The following LARS2 variants were observed in gnomAD, a reference collection of about 807,000 sequenced individuals.
The protein encoded by LARS2 is leucine--tRNA ligase, mitochondrial.
LARS2 carries 81 observed loss-of-function variants against 116.6 expected under a neutral mutation model. The observed-to-expected ratio is 0.69, with a 90% CI of 0.58 to 0.84. The LOEUF is 0.84. LARS2 is among the 40% of genes least tolerant of loss of function. The pLI is 0.00. For missense variants in LARS2, 968 were observed against 1,114.5 expected (o/e 0.87, Z 1.87); for synonymous variants, 396 against 407.2 (o/e 0.97, Z 0.33).
At chr3:45,519,509 A>G (rs1700420137) in intron 18 of LARS2, among the ~76,000 whole-genome samples, 1 of 142,104 alleles carries the variant, frequency 7.0e-6, no homozygotes, top group South Asian at 2.3e-4. Context: ...AAAAAAAAGT[A>G]AAATTAACCT....
At chr3:45,399,180 A>G (rs1029924427) in intron 3 of LARS2, among the ~76,000 whole-genome samples, 3 of 152,140 alleles carry the variant, frequency 2.0e-5, no homozygotes, top group African/African-American at 4.8e-5. Flanking sequence ...GGATCTTCTC[A>G]TTACCTTCCC....
Position 45,417,490 on chromosome 3 carries a change from C to G in LARS2, c.372C>G (p.Asn124Lys). The change falls in exon 5 of 22, where the codon AAC (asparagine) becomes AAG (lysine). Residue 124 changes from asparagine (N) to lysine (K), a missense_variant. Asn to Lys is a moderately conservative substitution (Grantham distance 94). Transcript: ENST00000645846. The part of the protein sequence containing the change: ...FQKMRGMQVI[N>K]PMGWDAFGLP... ...CCTCTTCTGGGTCCTAGGTCATCAA[C>G]CCCATGGGATGGGATGCTTTTGGAT... is the stretch of plus-strand genomic sequence containing the variant. 6.2e-7 allele frequency: 1 copy of G among 1,613,332 alleles called. No individual in the cohort carries two copies. Among genetic ancestry groups the G allele is most frequent in the Non-Finnish European group, 8.5e-7 (1 of 1,179,272 alleles).
chr3:45,473,974 T>G lies in LARS2; in HGVS notation c.751-269T>G, dbSNP rs567017750. ...CTTGCCAAAGATGTGAATTATGACC[T>G]TTGTTTGTTAATTTTCTTCTTTCCG... On this transcript the variant is annotated intron_variant, in intron 8 of 21. Coordinates refer to ENST00000645846, the MANE Select transcript of LARS2 (RefSeq NM_015340.4). Among the ~76,000 whole-genome samples the G allele has an allele frequency of 2.6e-5, 4 of 152,204 alleles. 1 individual carries two copies. The South Asian group carries it at 8.3e-4, about 32-fold the overall frequency.
rs1235647073 is a variant in LARS2 at position 45,484,617 on chromosome 3, A to AT, written c.1019-1075_1019-1074insT. ...CCCTGTCTCTACAAAAAAAAAAAAAAAAAAAAAAAAAAAATATATATATAT... is the reference window on the plus strand; with the variant it reads ...CCCTGTCTCTACAAAAAAAAAAAAAATAAAAAAAAAAAAAATATATATATAT... On this transcript the variant is annotated intron_variant, in intron 10 of 21. Transcript: ENST00000645846. 7.3e-4 allele frequency among the ~76,000 whole-genome samples: 59 copies of AT among 80,854 alleles called. 1 individual carries two copies. The highest frequency in any genetic ancestry group is 1.0e-3 in the South Asian group (2 of 1,912). 53.0% of individuals were successfully genotyped at this position (80,854 alleles called of 152,430 possible). A position where few individuals can be genotyped will look rare whatever the true frequency, so the allele number is the denominator to read the frequency against.
At chr3:45,417,414 C>A in intron 4 of LARS2, 68 bp from the exon 5 acceptor site, 1 of 1,211,076 alleles carries the variant, frequency 8.3e-7, no homozygotes, top group Non-Finnish European at 1.2e-6. Flanking sequence ...CTGAGTTTGC[C>A]CCAGAAGACA....
chr3:45,547,226 C>T, intron 21 of LARS2, 125 bp from the exon 22 acceptor site: 1 of 827,226 alleles, frequency 1.2e-6, no homozygotes, highest in Non-Finnish European at 1.9e-6. Flanking sequence ...CCTCCTTTCT[C>T]CACCTCTATT....
chr3:45,394,748 G>T, intron 3 of LARS2, 61 bp downstream of exon 3: 1 of 1,130,872 alleles, frequency 8.8e-7, no homozygotes, highest in Non-Finnish European at 1.3e-6. Context: ...TGGACCCTGG[G>T]GTTAGACTAC....
At chr3:45,458,109 T>C (rs147525547) in intron 7 of LARS2, among the ~76,000 whole-genome samples, 1 of 152,210 alleles carries the variant, frequency 6.6e-6, no homozygotes, top group Admixed American at 6.5e-5. Context: ...AATAATCCTA[T>C]TCTGTCAAAT....
intron 6 of LARS2, among the ~76,000 whole-genome samples, chr3:45,443,851 A>C (rs1463384766): frequency 2.0e-5 from 3 of 152,192 alleles, no homozygotes; most frequent in Non-Finnish European, 4.4e-5. Context: ...ATTTGAAGCC[A>C]GGGTGAAAGC....
At position 45,446,989 on chromosome 3, in the gene LARS2, A is replaced by C; in HGVS notation, c.606+9A>C. ...TGGCCTATCAAAAGGAGGTAAGTTAAAATTAGCTGGACTTTTAAAATTCAG... is the reference window on the plus strand; with the variant it reads ...TGGCCTATCAAAAGGAGGTAAGTTACAATTAGCTGGACTTTTAAAATTCAG... On this transcript the variant is annotated intron_variant, in intron 7 of 21. Coordinates refer to ENST00000645846, the MANE Select transcript of LARS2 (RefSeq NM_015340.4). The C allele has an allele frequency of 1.3e-6, 2 of 1,497,722 alleles. No homozygotes were observed. The highest frequency in any genetic ancestry group is 1.9e-6 in the Non-Finnish European group (2 of 1,080,854). 92.8% of individuals were successfully genotyped at this position (1,497,722 alleles called of 1,614,324 possible).
At chr3:45,463,276 G>A (rs192660759) in intron 8 of LARS2, among the ~76,000 whole-genome samples, 1 of 152,312 alleles carries the variant, frequency 6.6e-6, no homozygotes, top group Non-Finnish European at 1.5e-5. Context: ...GGCCCCTCTC[G>A]GCTGCATTGC....
intron 13 of LARS2, among the ~76,000 whole-genome samples, chr3:45,494,173 T>C (rs535144179): frequency 6.6e-6 from 1 of 152,244 alleles, no homozygotes; most frequent in East Asian, 1.9e-4. Context: ...CTGATTAAAA[T>C]GCAGGGGGTC....
chr3:45,423,538 C>A (rs1698547324), intron 6 of LARS2, among the ~76,000 whole-genome samples: 1 of 152,130 alleles, frequency 6.6e-6, no homozygotes, highest in Non-Finnish European at 1.5e-5. Flanking sequence ...GTCTCAAATT[C>A]CTGGCCTCAA....
At position 45,476,925 on chromosome 3, in the gene LARS2, A is replaced by G. The variant is rs1699621536; in HGVS notation, c.1018+298A>G. ...AGTTCTTTTCTCCTAGTTATAAATT[A>G]GGAGAAGATATAGGAATCTATTCTA... On this transcript the variant is annotated intron_variant, in intron 10 of 21. Coordinates refer to ENST00000645846, the MANE Select transcript of LARS2 (RefSeq NM_015340.4). 2.6e-5 allele frequency among the ~76,000 whole-genome samples: 4 copies of G among 152,228 alleles called. No individual in the cohort carries two copies. The South Asian group carries it at 8.3e-4, about 32-fold the overall frequency.
At chr3:45,540,438 C>T (rs1305255388) in intron 20 of LARS2, among the ~76,000 whole-genome samples, 1 of 152,198 alleles carries the variant, frequency 6.6e-6, no homozygotes. Flanking sequence ...TTGACTCCCT[C>T]TGTCACAAAC....
intron 6 of LARS2, among the ~76,000 whole-genome samples, chr3:45,423,342 T>G: frequency 6.6e-6 from 1 of 152,192 alleles, no homozygotes; most frequent in Non-Finnish European, 1.5e-5. Context: ...AGACAGGGTC[T>G]TACTCTGTCA....
At chr3:45,459,199 A>AG (rs537068418) in intron 8 of LARS2, among the ~76,000 whole-genome samples, 1 of 152,100 alleles carries the variant, frequency 6.6e-6, no homozygotes. Flanking sequence ...AAAAAGAGAG[A>AG]GGGGGGCCTT....
chr3:45,536,372 G>A (rs535471684), intron 20 of LARS2, among the ~76,000 whole-genome samples: 1 of 152,326 alleles, frequency 6.6e-6, no homozygotes, highest in Admixed American at 6.5e-5. Flanking sequence ...GCCTCTCAAA[G>A]TGCTAGGATT....
chr3:45,401,383 G>T (rs1698146369), intron 4 of LARS2, among the ~76,000 whole-genome samples: 1 of 152,002 alleles, frequency 6.6e-6, no homozygotes, highest in South Asian at 2.1e-4. Flanking sequence ...CACACCTGTA[G>T]TCCCAGCTAC....
Sources: gnomAD v4.1 joint callset for allele counts (sites outside exome capture counted in the v4.1 genomes callset) on GRCh38, gnomAD v4.1.1 for gene constraint, MANE v1.5 for transcripts, NCBI Gene and HGNC (gene_info 2026-07-23, HGNC 2026-07-21) for gene names.